GRIK2: variants seen among roughly 807,000 people sequenced by gnomAD.
GRIK2 encodes the protein glutamate ionotropic receptor kainate type subunit 2, also known as glutamate receptor ionotropic, kainate 2.
In GRIK2, 32 loss-of-function variants were observed where a neutral mutation model predicts 100.3. That is an observed-to-expected ratio of 0.32 (90% CI 0.24 to 0.43). The LOEUF (loss-of-function observed/expected upper bound fraction) is 0.43, where lower values mean the gene tolerates loss of function less well. GRIK2 is among the 20% of genes least tolerant of loss of function. The probability of loss-of-function intolerance (pLI) is 1.00; values close to 1 mark genes in which losing one functional copy is unlikely to be tolerated. For missense variants in GRIK2, 843 were observed against 1,114.9 expected, an observed-to-expected ratio of 0.76 and a Z score of 3.47; for synonymous variants, 417 against 389.4, an observed-to-expected ratio of 1.07 and a Z score of -0.83.
At chr6:101,716,756 A>G (rs1651141092) in intron 7 of GRIK2, among the ~76,000 whole-genome samples, 1 of 151,774 alleles carries the variant, frequency 6.6e-6, no homozygotes, top group African/African-American at 2.4e-5. Flanking sequence ...TAATAATAAA[A>G]CAAAGCAAAA....
chr6:101,731,804 A>G (rs1350917150), intron 7 of GRIK2, among the ~76,000 whole-genome samples: 1 of 152,046 alleles, frequency 6.6e-6, no homozygotes, highest in Admixed American at 6.6e-5. Flanking sequence ...CAGACAAGAC[A>G]GAATTCATAG....
chr6:101,792,413 A>G (rs1779940585), intron 7 of GRIK2, among the ~76,000 whole-genome samples: 1 of 151,764 alleles, frequency 6.6e-6, no homozygotes, highest in Non-Finnish European at 1.5e-5. Flanking sequence ...GTGGTGACAA[A>G]ATCTCTCAGC....
chr6:101,567,457 A>T (rs1582732705), intron 2 of GRIK2, among the ~76,000 whole-genome samples: 1 of 151,874 alleles, frequency 6.6e-6, no homozygotes, highest in South Asian at 2.1e-4. Context: ...ATTTACATCA[A>T]ATCTCAAAAC....
At chr6:102,046,379 G>A (rs1271639226) in intron 15 of GRIK2, among the ~76,000 whole-genome samples, 1 of 151,942 alleles carries the variant, frequency 6.6e-6, no homozygotes, top group Non-Finnish European at 1.5e-5. Flanking sequence ...CACATTTTAA[G>A]GAGGGACATG....
chr6:101,406,986 C>T (rs900406198), intron 2 of GRIK2, among the ~76,000 whole-genome samples: 1 of 152,070 alleles, frequency 6.6e-6, no homozygotes, highest in African/African-American at 2.4e-5. Flanking sequence ...TCATTTGTGT[C>T]TCCAGCTCAG....
At chr6:101,743,959 T>G (rs1049676988) in intron 7 of GRIK2, among the ~76,000 whole-genome samples, 1 of 152,122 alleles carries the variant, frequency 6.6e-6, no homozygotes, top group African/African-American at 2.4e-5. Context: ...TTTTTTTATT[T>G]TGAGATGGAG....
At chr6:102,045,859 C>T (rs755944932) in intron 15 of GRIK2, among the ~76,000 whole-genome samples, 8 of 152,018 alleles carry the variant, frequency 5.3e-5, no homozygotes, top group Non-Finnish European at 7.4e-5. Context: ...TGTTACCTAT[C>T]AATAATAACC....
chr6:101,845,038 A>G (rs1783729123), intron 10 of GRIK2, among the ~76,000 whole-genome samples: 1 of 151,254 alleles, frequency 6.6e-6, no homozygotes, highest in South Asian at 2.1e-4. Flanking sequence ...TGTCGTTTTG[A>G]GACAGGGTCC....
chr6:101,905,687 A>G (rs535958661), intron 12 of GRIK2, among the ~76,000 whole-genome samples: 86 of 151,496 alleles, frequency 5.7e-4, no homozygotes, highest in African/African-American at 2.0e-3. Flanking sequence ...TACATCTATC[A>G]ATCATCTACC....
chr6:101,813,413 A>G lies in GRIK2; in HGVS notation c.1204-4957A>G, dbSNP rs189946094. On this transcript the variant is annotated intron_variant, in intron 9 of 16. Transcript: ENST00000369134. ...CAAAAATACCTTTAAGTCTGCAACC[A>G]TAAAAGTATGTCACATAATTATCTT... Among the ~76,000 whole-genome samples, 10 of 152,316 alleles carry G rather than the reference A, an allele frequency of 6.6e-5. No individual in the cohort carries two copies. In the East Asian group the frequency reaches 1.5e-3, roughly 24 times the overall value.
At chr6:101,866,947 A>G (rs1785090498) in intron 11 of GRIK2, among the ~76,000 whole-genome samples, 1 of 151,378 alleles carries the variant, frequency 6.6e-6, no homozygotes, top group African/African-American at 2.4e-5. Flanking sequence ...TTCATATAGA[A>G]GTTTTAAAGT....
At chr6:101,906,781 A>G (rs544551148) in intron 12 of GRIK2, among the ~76,000 whole-genome samples, 15 of 151,892 alleles carry the variant, frequency 9.9e-5, no homozygotes, top group Admixed American at 5.3e-4. Flanking sequence ...TTCTGCCTCT[A>G]TTAACCACCT....
At chr6:101,562,210 A>G (rs1016729329) in intron 2 of GRIK2, among the ~76,000 whole-genome samples, 3 of 152,050 alleles carry the variant, frequency 2.0e-5, no homozygotes, top group African/African-American at 7.2e-5. Flanking sequence ...TAGATCTGCT[A>G]TCATTCCCTA....
intron 7 of GRIK2, among the ~76,000 whole-genome samples, chr6:101,720,418 G>A (rs976493787): frequency 2.0e-5 from 3 of 151,774 alleles, no homozygotes; most frequent in African/African-American, 7.3e-5. Context: ...TTTAAGCATA[G>A]CAGTTAATTT....
chr6:101,632,318 C>T (rs1780787905), intron 4 of GRIK2, among the ~76,000 whole-genome samples: 3 of 152,134 alleles, frequency 2.0e-5, no homozygotes, highest in Admixed American at 2.0e-4. Flanking sequence ...ATCAACCACA[C>T]ATCTGAGCAG....
chr6:101,602,343 C>G (rs1055575368), intron 2 of GRIK2, among the ~76,000 whole-genome samples: 32 of 151,140 alleles, frequency 2.1e-4, no homozygotes, highest in African/African-American at 7.3e-4. Context: ...TGCTTTGTGA[C>G]CAAGCATGTG....
chr6:101,611,969 A>G (rs1016493940), intron 2 of GRIK2, among the ~76,000 whole-genome samples: 5 of 151,942 alleles, frequency 3.3e-5, no homozygotes, highest in East Asian at 3.9e-4. Flanking sequence ...TCAAAGAAAC[A>G]AAGTATTTAC....
chr6:101,995,974 A>G (rs1025478726), intron 14 of GRIK2, among the ~76,000 whole-genome samples: 1 of 152,032 alleles, frequency 6.6e-6, no homozygotes, highest in African/African-American at 2.4e-5. Flanking sequence ...AAGATATTTC[A>G]AGGAGAATAT....
chr6:101,869,665 C>T (rs1042588754), intron 11 of GRIK2, among the ~76,000 whole-genome samples: 1 of 151,836 alleles, frequency 6.6e-6, no homozygotes, highest in African/African-American at 2.4e-5. Flanking sequence ...GTGCACAAAA[C>T]ACTGGCTTTT....
Sources: allele counts gnomAD v4.1 joint callset (sites outside exome capture counted in the v4.1 genomes callset), GRCh38; gene constraint gnomAD v4.1.1; transcripts MANE v1.5; gene names NCBI Gene and HGNC (gene_info 2026-07-23, HGNC 2026-07-21).